The following GPC5 variants were observed in gnomAD, a reference collection of about 807,000 sequenced individuals.
The protein encoded by GPC5 is glypican-5.
A neutral mutation model predicts 53.9 loss-of-function variants in GPC5; 47 were observed. The observed-to-expected ratio is 0.87, with a 90% CI of 0.69 to 1.11. GPC5 has a LOEUF of 1.11. Among genes scored for constraint, GPC5 ranks in the 50% most tolerant of loss-of-function variants. The probability of loss-of-function intolerance (pLI) is 0.00; values close to 1 mark genes in which losing one functional copy is unlikely to be tolerated. For missense variants in GPC5, 748 were observed against 713.1 expected (o/e 1.05, Z -0.56); for synonymous variants, 286 against 263.3 (o/e 1.09, Z -0.84).
At chr13:92,640,715 T>G (rs1167200587) in intron 7 of GPC5, among the ~76,000 whole-genome samples, 2 of 152,102 alleles carry the variant, frequency 1.3e-5, no homozygotes, top group Admixed American at 1.3e-4. Context: ...AATGGGGACA[T>G]GCCAAAAAGA....
At chr13:92,076,568 T>TTC (rs1225438957) in intron 6 of GPC5, among the ~76,000 whole-genome samples, 1 of 151,912 alleles carries the variant, frequency 6.6e-6, no homozygotes, top group Admixed American at 6.6e-5. Flanking sequence ...GCTCAGATTT[T>TTC]TTTTTTTTTA....
chr13:91,939,175 A>G (rs184761774), intron 6 of GPC5, among the ~76,000 whole-genome samples: 93 of 152,218 alleles, frequency 6.1e-4, no homozygotes, highest in Non-Finnish European at 1.0e-3. Context: ...TAATGCTATC[A>G]TGTAAAAAAA....
At chr13:91,482,566 A>G (rs1022868927) in intron 2 of GPC5, among the ~76,000 whole-genome samples, 5 of 152,220 alleles carry the variant, frequency 3.3e-5, no homozygotes, top group African/African-American at 9.6e-5. Context: ...TTCCAGATTT[A>G]CTAAATCAGA....
chr13:92,281,049 T>G (rs1219584361), intron 7 of GPC5, among the ~76,000 whole-genome samples: 1 of 152,180 alleles, frequency 6.6e-6, no homozygotes. Flanking sequence ...ACTCCCACAC[T>G]AATACTGCGC....
intron 2 of GPC5, among the ~76,000 whole-genome samples, chr13:91,659,507 A>T (rs181858839): frequency 1.0e-3 from 156 of 152,308 alleles, no homozygotes; most frequent in African/African-American, 3.0e-3. Context: ...AAAGACCAAA[A>T]TGTGCCTATG....
intron 2 of GPC5, among the ~76,000 whole-genome samples, chr13:91,581,140 T>C (rs2032345276): frequency 6.6e-6 from 1 of 152,196 alleles, no homozygotes; most frequent in Non-Finnish European, 1.5e-5. Flanking sequence ...ACATGGGGAT[T>C]GTGGGAACTA....
chr13:91,399,165 G>C lies in GPC5; in HGVS notation c.119G>C (p.Arg40Pro). 1 of 1,612,978 alleles carries C rather than the reference G, an allele frequency of 6.2e-7. No individual in the cohort carries two copies. The highest frequency in any genetic ancestry group is 8.5e-7 in the Non-Finnish European group (1 of 1,179,716). ...GAAGTTCGGAAACTTTTCCAGTGGCGGCTGCTGGGAGCTGTCAGGGGGCTG... is the reference window on the plus strand; with the variant it reads ...GAAGTTCGGAAACTTTTCCAGTGGCCGCTGCTGGGAGCTGTCAGGGGGCTG... ...CEEVRKLFQW[R>P]LLGAVRGLPD... The change falls in exon 1 of 8, where the codon CGG (arginine) becomes CCG (proline). Residue 40 changes from arginine (R) to proline (P), a missense_variant. Transcript: ENST00000377067.
chr13:91,820,203 G>A (rs1054296262), intron 5 of GPC5, among the ~76,000 whole-genome samples: 5 of 151,614 alleles, frequency 3.3e-5, no homozygotes, highest in African/African-American at 1.2e-4. Flanking sequence ...CCATTTTCGT[G>A]GTGTCTGTGA....
At chr13:92,613,787 G>A (rs1884585696) in intron 7 of GPC5, among the ~76,000 whole-genome samples, 1 of 149,094 alleles carries the variant, frequency 6.7e-6, no homozygotes, top group African/African-American at 2.5e-5. Flanking sequence ...GAGCACGGAG[G>A]TCAAGGCTGC....
intron 7 of GPC5, among the ~76,000 whole-genome samples, chr13:92,263,612 G>T (rs1260799503): frequency 2.0e-5 from 3 of 152,098 alleles, no homozygotes; most frequent in Non-Finnish European, 2.9e-5. Context: ...CTGAGCTTCA[G>T]AGTCAGATAA....
At chr13:91,745,048 C>A (rs2037017934) in intron 4 of GPC5, among the ~76,000 whole-genome samples, 1 of 152,028 alleles carries the variant, frequency 6.6e-6, no homozygotes, top group Non-Finnish European at 1.5e-5. Flanking sequence ...GGTTTTAAAT[C>A]TTGAACACTT....
intron 6 of GPC5, among the ~76,000 whole-genome samples, chr13:92,030,222 C>T (rs1168789184): frequency 6.6e-6 from 1 of 152,128 alleles, no homozygotes; most frequent in Non-Finnish European, 1.5e-5. Flanking sequence ...ACTCTCTGTC[C>T]ATAGCATAAG....
intron 7 of GPC5, among the ~76,000 whole-genome samples, chr13:92,145,681 T>C (rs2041862143): frequency 6.6e-6 from 1 of 152,156 alleles, no homozygotes; most frequent in Non-Finnish European, 1.5e-5. Context: ...TTTGTTCATA[T>C]GGGCAAAACA....
At chr13:92,674,218 C>G (rs1219792414) in intron 7 of GPC5, among the ~76,000 whole-genome samples, 3 of 152,140 alleles carry the variant, frequency 2.0e-5, no homozygotes, top group African/African-American at 4.8e-5. Context: ...ACACGTTCCT[C>G]TCACTGGGTT....
At chr13:92,317,397 A>G (rs1433691196) in intron 7 of GPC5, among the ~76,000 whole-genome samples, 1 of 152,206 alleles carries the variant, frequency 6.6e-6, no homozygotes, top group East Asian at 1.9e-4. Flanking sequence ...GAGTTTCAGG[A>G]TAATAGAAAA....
intron 2 of GPC5, among the ~76,000 whole-genome samples, chr13:91,504,421 T>C (rs1259226131): frequency 1.3e-5 from 2 of 152,112 alleles, no homozygotes; most frequent in African/African-American, 4.8e-5. Flanking sequence ...GATAAATATA[T>C]TGAAGTTATA....
chr13:91,967,811 T>G (rs922728879), intron 6 of GPC5, among the ~76,000 whole-genome samples: 1 of 152,126 alleles, frequency 6.6e-6, no homozygotes, highest in African/African-American at 2.4e-5. Context: ...TCAACTAAAG[T>G]TTATACAATT....
chr13:91,725,504 A>G (rs549762941), intron 3 of GPC5, among the ~76,000 whole-genome samples: 1 of 152,168 alleles, frequency 6.6e-6, no homozygotes, highest in Non-Finnish European at 1.5e-5. Flanking sequence ...TATGAAGTTA[A>G]TCTCCCTCAT....
chr13:92,196,496 T>C (rs2042257466), intron 7 of GPC5, among the ~76,000 whole-genome samples: 1 of 152,198 alleles, frequency 6.6e-6, no homozygotes, highest in Non-Finnish European at 1.5e-5. Flanking sequence ...AGCCCTAAAA[T>C]ATAATTACAG....
Sources: allele counts gnomAD v4.1 joint callset (sites outside exome capture counted in the v4.1 genomes callset), GRCh38; gene constraint gnomAD v4.1.1; transcripts MANE v1.5; gene names NCBI Gene and HGNC (gene_info 2026-07-23, HGNC 2026-07-21).